The following XPO7 variants were observed in gnomAD, a reference collection of about 807,000 sequenced individuals.
XPO7 encodes the protein exportin 7.
XPO7 carries 21 observed loss-of-function variants against 144.3 expected under a neutral mutation model. The observed-to-expected ratio is 0.15, with a 90% confidence interval of 0.10 to 0.21. The LOEUF is 0.21. XPO7 is among the 10% of genes least tolerant of loss of function. The pLI is 1.00. For missense variants in XPO7, 808 were observed against 1,325.8 expected (o/e 0.61, Z 6.06); for synonymous variants, 580 against 499.6 (o/e 1.16, Z -2.15).
At chr8:21,938,725 C>A (rs1435122459) in intron 1 of XPO7, among the ~76,000 whole-genome samples, 1 of 151,738 alleles carries the variant, frequency 6.6e-6, no homozygotes, top group Non-Finnish European at 1.5e-5. Flanking sequence ...CCAGATGATT[C>A]CGAATACCCT....
chr8:21,998,310 G>A lies in XPO7; in HGVS notation c.2346-445G>A, dbSNP rs192251816. On this transcript the variant is annotated intron_variant, in intron 21 of 27. Coordinates refer to ENST00000252512, the MANE Select transcript of XPO7 (RefSeq NM_015024.5). ...CAAAAAATTAGCTGGGCGTGGTGGCGGGCACCTGTAGTCCCAGCTACTTGG... is the reference window on the plus strand; with the variant it reads ...CAAAAAATTAGCTGGGCGTGGTGGCAGGCACCTGTAGTCCCAGCTACTTGG... Among the ~76,000 whole-genome samples the A allele has an allele frequency of 5.7e-3, 861 of 152,190 alleles. 13 individuals are homozygous for A. The highest frequency in any genetic ancestry group is 0.019 in the African/African-American group (779 of 41,500).
At chr8:21,944,762 G>A (rs879052151) in intron 1 of XPO7, among the ~76,000 whole-genome samples, 6 of 152,026 alleles carry the variant, frequency 3.9e-5, no homozygotes, top group African/African-American at 9.7e-5. Context: ...TCCGCCTTCC[G>A]CATTGTTTGT....
chr8:21,989,917 T>G (rs1169319459), intron 16 of XPO7, among the ~76,000 whole-genome samples: 6 of 135,394 alleles, frequency 4.4e-5, no homozygotes, highest in Admixed American at 3.3e-4. Flanking sequence ...TTGCGCGATC[T>G]CGGCTCACTA....
chr8:21,935,359 A>G (rs2117257173), intron 1 of XPO7, among the ~76,000 whole-genome samples: 2 of 152,334 alleles, frequency 1.3e-5, no homozygotes, highest in South Asian at 4.1e-4. Flanking sequence ...TTATTTTTAT[A>G]TCAAGGTGCA....
rs1048492274 is a variant in XPO7, at chr8:22,003,448, G to A, written c.3042+131G>A. ...AAACAGGGAAAATGGGTCATTTACT[G>A]AGCAAGTCCCATTTGTGCTTTCAGT... is the stretch of plus-strand genomic sequence containing the variant. On this transcript the variant is annotated intron_variant, in intron 26 of 27. Transcript: ENST00000252512. 6.0e-6 allele frequency: 4 copies of A among 662,646 alleles called. No homozygotes were observed. In the South Asian group the frequency reaches 7.8e-5, roughly 13 times the overall value. 41.0% of individuals were successfully genotyped at this position (662,646 alleles called of 1,614,324 possible). A position where few individuals can be genotyped will look rare whatever the true frequency, so the allele number is the denominator to read the frequency against.
intron 17 of XPO7, 111 bp downstream of exon 17, chr8:21,990,518 C>T (rs1328801550): frequency 3.1e-5 from 39 of 1,255,364 alleles, no homozygotes; most frequent in South Asian, 9.9e-5. Flanking sequence ...ACAGCAAAGA[C>T]GGTGGTCCTG....
rs1262908667 is a variant in XPO7 at position 22,002,150 on chromosome 8, C to T, written c.2821C>T (p.His941Tyr). 3.7e-6 allele frequency: 6 copies of T among 1,612,136 alleles called. No homozygotes were observed. Among genetic ancestry groups the T allele is most frequent in the Non-Finnish European group, 5.1e-6 (6 of 1,179,212 alleles). ...VCTGCCSCLD[H>Y]IVTYLFKQLS... ...CACAGGCTGCTGCTCCTGCCTGGAC[C>T]ACATTGTGACATACCTCTTCAAGCA... Residue 941 changes from histidine to tyrosine, a missense_variant, in exon 25 of 28, where the codon CAC becomes TAC. Around this residue, in one of 5 missense-constraint regions of XPO7, gnomAD observed 140 missense variants for 237.9 expected, o/e 0.59. Coordinates refer to ENST00000252512, the MANE Select transcript of XPO7 (RefSeq NM_015024.5).
intron 16 of XPO7, among the ~76,000 whole-genome samples, chr8:21,990,066 G>A (rs1362473887): frequency 6.6e-6 from 1 of 151,556 alleles, no homozygotes; most frequent in Admixed American, 6.6e-5. Context: ...AGCCAGGATG[G>A]TCTCGATCTC....
chr8:21,942,888 G>A (rs1811039552), intron 1 of XPO7, among the ~76,000 whole-genome samples: 1 of 152,092 alleles, frequency 6.6e-6, no homozygotes, highest in African/African-American at 2.4e-5. Flanking sequence ...AAACTAGCTG[G>A]GTTTTTGTTT....
intron 1 of XPO7, among the ~76,000 whole-genome samples, chr8:21,966,066 T>A (rs1269851902): frequency 6.6e-6 from 1 of 152,196 alleles, no homozygotes; most frequent in East Asian, 1.9e-4. Flanking sequence ...TGCAAGTATA[T>A]ATGCCTCCCT....
At chr8:21,991,797 C>T in intron 18 of XPO7, 71 bp from the exon 19 acceptor site, 2 of 1,245,308 alleles carry the variant, frequency 1.6e-6, no homozygotes, top group East Asian at 2.7e-5. Context: ...CTCTTTCATC[C>T]CATCTTCCCA....
chr8:21,984,500 A>T, intron 11 of XPO7, 146 bp from the exon 12 acceptor site: 1 of 751,176 alleles, frequency 1.3e-6, no homozygotes, highest in Non-Finnish European at 2.1e-6. Flanking sequence ...CTCATTAAAC[A>T]TTCTTCCTTG....
At chr8:21,938,086 A>G (rs1810877735) in intron 1 of XPO7, among the ~76,000 whole-genome samples, 1 of 152,156 alleles carries the variant, frequency 6.6e-6, no homozygotes, top group African/African-American at 2.4e-5. Context: ...TTTTAATGTA[A>G]CAGATATTAA....
intron 1 of XPO7, among the ~76,000 whole-genome samples, chr8:21,925,616 G>A (rs1360686179): frequency 6.6e-6 from 1 of 152,188 alleles, no homozygotes; most frequent in Non-Finnish European, 1.5e-5. Context: ...TTAACTGAGT[G>A]TCTGTTATAT....
At position 21,982,700 on chromosome 8, in the gene XPO7, G is replaced by A; in HGVS notation, c.1165G>A (p.Ala389Thr). The A allele has an allele frequency of 6.2e-7, 1 of 1,612,884 alleles. No individual in the cohort carries two copies. Among genetic ancestry groups the A allele is most frequent in the Non-Finnish European group, 8.5e-7 (1 of 1,179,536 alleles). ...YLLSLWQRLA[A>T]SVPYVKATEP... ...TCTGAGCCTGTGGCAGCGGCTGGCAGCCTCTGTGCCGTATGTCAAAGCCAC... is the reference window on the plus strand; with the variant it reads ...TCTGAGCCTGTGGCAGCGGCTGGCAACCTCTGTGCCGTATGTCAAAGCCAC... The change falls in exon 11 of 28, where the codon GCC becomes ACC. Residue 389 changes from alanine (A) to threonine (T), a missense_variant. This residue lies in a region of XPO7 where 26 missense variants were observed against 85.8 expected (regional missense o/e 0.30). Transcript: ENST00000252512.
Position 21,990,334 on chromosome 8 carries a change from T to C in XPO7, c.1869-10T>C. The C allele has an allele frequency of 1.2e-6, 2 of 1,612,952 alleles. No individual in the cohort carries two copies. Among genetic ancestry groups the C allele is most frequent in the South Asian group, 2.2e-5 (2 of 91,058 alleles). On this transcript the variant is annotated splice_polypyrimidine_tract_variant and intron_variant, in intron 16 of 27. Transcript: ENST00000252512. ...TCACACTTTCCTTGACCTTCTTCCTTTGTCTTCACGTACAGTAGCGTAAGG... is the reference window on the plus strand; with the variant it reads ...TCACACTTTCCTTGACCTTCTTCCTCTGTCTTCACGTACAGTAGCGTAAGG...
chr8:21,949,135 G>C (rs185802653), intron 1 of XPO7, among the ~76,000 whole-genome samples: 127 of 152,252 alleles, frequency 8.3e-4, no homozygotes, highest in African/African-American at 3.0e-3. Flanking sequence ...TTTTACTGTT[G>C]TATCACATTT....
chr8:21,960,417 T>G (rs530815620), intron 1 of XPO7, among the ~76,000 whole-genome samples: 1 of 152,334 alleles, frequency 6.6e-6, no homozygotes, highest in African/African-American at 2.4e-5. Flanking sequence ...GAGAATGCTT[T>G]TGGGTTAAAC....
chr8:22,006,541 G>A lies in XPO7; in HGVS notation c.*1453G>A, dbSNP rs1813337579. 6.6e-6 allele frequency: 1 copy of A among 152,296 alleles called. No individual in the cohort carries two copies. Among genetic ancestry groups the A allele is most frequent in the Non-Finnish European group, 1.5e-5 (1 of 68,036 alleles). 9.4% of individuals were successfully genotyped at this position (152,296 alleles called of 1,614,324 possible). On this transcript the variant is annotated 3_prime_UTR_variant, in exon 28 of 28. Transcript: ENST00000252512. The stretch of plus-strand genomic sequence containing the variant: ...CTTGTAAGGGTGTTTGCTGCATACA[G>A]TGTAAGCATTGTGACCGCCAATAAA...
Sources: allele counts gnomAD v4.1 joint callset (sites outside exome capture counted in the v4.1 genomes callset), GRCh38; gene constraint gnomAD v4.1.1; regional missense constraint gnomAD v4.1.1; transcripts MANE v1.5; gene names NCBI Gene and HGNC (gene_info 2026-07-23, HGNC 2026-07-21).